Variants in POTEB observed in about 807,000 individuals in gnomAD.
POTEB encodes POTE ankyrin domain family member B.
Position 21,871,407 on chromosome 15 carries a change from AC to A in POTEB, c.699+599del, listed in dbSNP as rs1169800953. Among the ~76,000 whole-genome samples, 120 of 23,790 alleles carry A rather than the reference AC, an allele frequency of 5.0e-3. 35 individuals are homozygous for A. The highest frequency in any genetic ancestry group is 0.021 in the Middle Eastern group (1 of 48). 15.6% of individuals were successfully genotyped at this position (23,790 alleles called of 152,430 possible). ...CACACACACACACACACACACACAAACAAAAACAAAAACAAAAACAAAAAAA... is the reference window on the plus strand; with the variant it reads ...CACACACACACACACACACACACAAAAAAAACAAAAACAAAAACAAAAAAA... On this transcript the variant is annotated intron_variant, in intron 3 of 10. Coordinates refer to ENST00000439682, the MANE Select transcript of POTEB (RefSeq NM_001277304.2).
chr15:21,871,364 A>AACACACACACACACACAC (rs554170349), intron 3 of POTEB, among the ~76,000 whole-genome samples: 2 of 12,108 alleles, frequency 1.7e-4, no homozygotes, highest in African/African-American at 3.3e-4. Context: ...CAACAATAAC[A>AACACACACACACACACAC]ACACACACAC....
intron 9 of POTEB, among the ~76,000 whole-genome samples, chr15:21,854,441 G>C (rs1452451972): frequency 6.7e-6 from 1 of 150,062 alleles, no homozygotes; most frequent in East Asian, 1.9e-4. Context: ...CGTTAGGGAG[G>C]AGATGCCCTC....
At chr15:21,871,404 C>CAA (rs1555380355) in intron 3 of POTEB, among the ~76,000 whole-genome samples, 1,209 of 19,226 alleles carry the variant, frequency 0.063, 437 homozygotes, top group South Asian at 0.24. Context: ...CACACACACA[C>CAA]AAACAAAAAC....
Position 21,853,289 on chromosome 15 carries a change from T to G in POTEB, c.1298+3503A>C, listed in dbSNP as rs1173674540. Reference sequence around the variant, plus strand: ...AGCTAGGAGGATAACTGGGGAAAAATCATTCCCGACACAGGGAACTGCGAA... The same window carrying G: ...AGCTAGGAGGATAACTGGGGAAAAAGCATTCCCGACACAGGGAACTGCGAA... On this transcript the variant is annotated intron_variant, in intron 9 of 10. Coordinates refer to ENST00000439682, the MANE Select transcript of POTEB (RefSeq NM_001277304.2). Among the ~76,000 whole-genome samples the G allele has an allele frequency of 2.6e-4, 3 of 11,472 alleles. 1 individual carries two copies. The highest frequency in any genetic ancestry group is 2.8e-4 in the African/African-American group (3 of 10,758). The allele number at this position is 11,472 out of a possible 152,430, so 7.5% of individuals were successfully genotyped here.
intron 9 of POTEB, among the ~76,000 whole-genome samples, chr15:21,854,255 AAAAAAG>A (rs1177198427): frequency 2.2e-5 from 3 of 133,568 alleles, no homozygotes; most frequent in Admixed American, 8.3e-5. Context: ...CTCTGTCTCC[AAAAAAG>A]AAAAAGAAAA....
chr15:21,871,406 A>C lies in POTEB; in HGVS notation c.699+601T>G, dbSNP rs950783821. ...ACACACACACACACACACACACACAAACAAAAACAAAAACAAAAACAAAAA... is the reference window on the plus strand; with the variant it reads ...ACACACACACACACACACACACACACACAAAAACAAAAACAAAAACAAAAA... On this transcript the variant is annotated intron_variant, in intron 3 of 10. Transcript: ENST00000439682. Among the ~76,000 whole-genome samples the C allele has an allele frequency of 4.4e-3, 83 of 18,952 alleles. 28 individuals carry two copies. Among genetic ancestry groups the C allele is most frequent in the Admixed American group, 3.0e-3 (3 of 996 alleles). 12.4% of individuals were successfully genotyped at this position (18,952 alleles called of 152,430 possible).
intron 3 of POTEB, among the ~76,000 whole-genome samples, chr15:21,871,404 C>CAAACAAAAACAA (rs1190743498): frequency 5.2e-5 from 1 of 19,266 alleles, no homozygotes; most frequent in African/African-American, 1.3e-4. Flanking sequence ...CACACACACA[C>CAAACAAAAACAA]AAACAAAAAC....
intron 9 of POTEB, among the ~76,000 whole-genome samples, chr15:21,854,377 AAGGC>A (rs1409207039): frequency 0.042 from 6,050 of 142,666 alleles, 45 homozygotes; most frequent in Middle Eastern, 0.089. Context: ...ATGGACTAGA[AAGGC>A]AGGAGGAAAA....
chr15:21,870,244 T>A, intron 3 of POTEB, among the ~76,000 whole-genome samples: 1 of 63,892 alleles, frequency 1.6e-5, no homozygotes, highest in African/African-American at 5.0e-5. Context: ...AGCCCAGGAG[T>A]TCAAGATCAG....
rs1889707143 is a variant in POTEB at position 21,847,385 on chromosome 15, A to G, written c.1422+814T>C. 2.9e-5 allele frequency among the ~76,000 whole-genome samples: 2 copies of G among 69,928 alleles called. 1 individual carries two copies. The highest frequency in any genetic ancestry group is 9.0e-4 in the South Asian group (2 of 2,224). 45.9% of individuals were successfully genotyped at this position (69,928 alleles called of 152,430 possible). A position where few individuals can be genotyped will look rare whatever the true frequency, so the allele number is the denominator to read the frequency against. ...ACACACACACACATATATATATGCAACGTGCAAGATTTTTGCCAGGTCTTC... is the reference window on the plus strand; with the variant it reads ...ACACACACACACATATATATATGCAGCGTGCAAGATTTTTGCCAGGTCTTC... On this transcript the variant is annotated intron_variant, in intron 10 of 10. Coordinates refer to ENST00000439682, the MANE Select transcript of POTEB (RefSeq NM_001277304.2).
At position 21,866,880 on chromosome 15, in the gene POTEB, G is replaced by A. The variant is rs1427875867; in HGVS notation, c.944+717C>T. ...TGCGGATAAAGTCAGGATGCCCAGCGGCCAGAGCAGGGTGCTGGTGCTTTG... is the reference window on the plus strand; with the variant it reads ...TGCGGATAAAGTCAGGATGCCCAGCAGCCAGAGCAGGGTGCTGGTGCTTTG... On this transcript the variant is annotated intron_variant, in intron 5 of 10. Coordinates refer to ENST00000439682, the MANE Select transcript of POTEB (RefSeq NM_001277304.2). 7.5e-4 allele frequency among the ~76,000 whole-genome samples: 4 copies of A among 5,314 alleles called. 2 individuals carry two copies. The highest frequency in any genetic ancestry group is 0.062 in the Non-Finnish European group (2 of 32). The allele number at this position is 5,314 out of a possible 152,430, so 3.5% of individuals were successfully genotyped here. A position where few individuals can be genotyped will look rare whatever the true frequency, so the allele number is the denominator to read the frequency against.
intron 1 of POTEB, among the ~76,000 whole-genome samples, chr15:21,875,218 AG>A (rs1890155094): frequency 8.1e-6 from 1 of 123,426 alleles, no homozygotes; most frequent in Non-Finnish European, 1.7e-5. Context: ...CAGCCTCCTG[AG>A]TAGCTAGGAT....
At chr15:21,871,394 C>CAAAAAA (rs1442670858) in intron 3 of POTEB, among the ~76,000 whole-genome samples, 1 of 20,288 alleles carries the variant, frequency 4.9e-5, no homozygotes, top group African/African-American at 1.0e-4. Context: ...CACACACACA[C>CAAAAAA]ACACACACAC....
intron 9 of POTEB, among the ~76,000 whole-genome samples, chr15:21,854,788 CT>C (rs1281285394): frequency 1.4e-5 from 2 of 145,944 alleles, no homozygotes. Flanking sequence ...TATTTTAAAG[CT>C]TATAAAAATT....
intron 9 of POTEB, among the ~76,000 whole-genome samples, chr15:21,854,556 C>T (rs1889830425): frequency 6.6e-6 from 1 of 150,608 alleles, no homozygotes; most frequent in African/African-American, 2.4e-5. Flanking sequence ...AAAAACAATG[C>T]TGGAGGACTG....
At chr15:21,854,451 C>T (rs1486063543) in intron 9 of POTEB, among the ~76,000 whole-genome samples, 1 of 150,068 alleles carries the variant, frequency 6.7e-6, no homozygotes, top group Non-Finnish European at 1.5e-5. Context: ...GAGATGCCCT[C>T]CATTGGCTCA....
chr15:21,855,303 T>A (rs1230899988), intron 9 of POTEB, among the ~76,000 whole-genome samples: 3 of 148,092 alleles, frequency 2.0e-5, no homozygotes, highest in South Asian at 2.2e-4. Flanking sequence ...ACTGACTGTT[T>A]TTGTAAGTAA....
intron 9 of POTEB, among the ~76,000 whole-genome samples, chr15:21,850,827 TTATATATATATATATATATATATATA>T (rs1214256895): frequency 0.33 from 77 of 230 alleles, 9 homozygotes; most frequent in South Asian, 0.5. Flanking sequence ...ATAAAGAAAA[TTATATATATATATATATATATATATA>T]TATATATATA....
intron 9 of POTEB, among the ~76,000 whole-genome samples, chr15:21,854,441 G>A (rs1452451972): frequency 1.3e-5 from 2 of 150,066 alleles, no homozygotes; most frequent in African/African-American, 4.9e-5. Flanking sequence ...CGTTAGGGAG[G>A]AGATGCCCTC....
Sources: allele counts gnomAD v4.1 joint callset (sites outside exome capture counted in the v4.1 genomes callset), GRCh38; gene constraint gnomAD v4.1.1; transcripts MANE v1.5; gene names NCBI Gene and HGNC (gene_info 2026-07-23, HGNC 2026-07-21).